Variants in FAM199X observed in about 807,000 individuals in gnomAD.
FAM199X encodes the protein family with sequence similarity 199, X-linked.
FAM199X carries 4 observed loss-of-function variants against 22.9 expected under a neutral mutation model. That is an observed-to-expected ratio of 0.17 (90% confidence interval 0.09 to 0.40). The LOEUF (loss-of-function observed/expected upper bound fraction) is 0.40, where lower values mean the gene tolerates loss of function less well. Ranked by LOEUF, FAM199X falls within the 10% of genes least tolerant of loss-of-function variation. The pLI is 1.00. For missense variants in FAM199X, 183 were observed against 306.8 expected (o/e 0.60, Z 3.01); for synonymous variants, 101 against 112.3 (o/e 0.90, Z 0.64).
Position 104,186,496 on chromosome X carries a change from A to G in FAM199X, c.604A>G (p.Thr202Ala). ...TGAGTATCTGAGTCGGAAAGTGAGT[A>G]CTGAGATGGGTCTTCGGGAGCAACT... ...YIEYLSRKVS[T>A]EMGLREQLDI... is the part of the protein sequence containing the mutation. The change falls in exon 4 of 6, where the codon ACT (threonine) becomes GCT (alanine). Residue 202 changes from threonine (T) to alanine (A), a missense_variant. Physicochemically the swap from Thr to Ala is moderately conservative, Grantham distance 58. Around this residue, in one of 2 missense-constraint regions of FAM199X, gnomAD observed 128 missense variants for 246.2 expected, o/e 0.52. Coordinates refer to ENST00000493442, the MANE Select transcript of FAM199X (RefSeq NM_207318.4). 1 of 1,211,248 alleles carries G rather than the reference A, an allele frequency of 8.3e-7. No individual in the cohort carries two copies. Among genetic ancestry groups the G allele is most frequent in the Non-Finnish European group, 1.1e-6 (1 of 895,047 alleles).
chrX:104,178,328 G>A (rs782499668), intron 2 of FAM199X, among the ~76,000 whole-genome samples: 6 of 110,626 alleles, frequency 5.4e-5, no homozygotes, highest in South Asian at 7.6e-4. Flanking sequence ...CACCAAACCC[G>A]GCTAATTTTT....
chrX:104,189,255 G>A (rs899440440), intron 5 of FAM199X, among the ~76,000 whole-genome samples: 2 of 111,476 alleles, frequency 1.8e-5, no homozygotes, highest in Non-Finnish European at 3.8e-5. Flanking sequence ...CTCCACAGGT[G>A]TATTCAGTAT....
the FAM199X span, among the ~76,000 whole-genome samples, chrX:104,158,014 A>G: frequency 2.7e-5 from 3 of 112,570 alleles, no homozygotes; most frequent in African/African-American, 9.7e-5. Flanking sequence ...TAAAGCAGCT[A>G]AGAAAACTCA....
rs1376745566 is a variant in FAM199X at position 104,189,849 on chromosome X, G to A, written c.*71G>A. 2.1e-5 allele frequency: 23 copies of A among 1,117,608 alleles called. No individual in the cohort carries two copies. In the East Asian group the frequency reaches 6.4e-4, roughly 31 times the overall value. 92.1% of individuals were successfully genotyped at this position (1,117,608 alleles called of 1,213,427 possible). A position where few individuals can be genotyped will look rare whatever the true frequency, so the allele number is the denominator to read the frequency against. On this transcript the variant is annotated 3_prime_UTR_variant, in exon 6 of 6. Transcript: ENST00000493442. ...ATCCTTATGGGTTTACATGCATCTT[G>A]ACCAAAATTTTGGTTAGGGCTGTGC...
chrX:104,160,396 T>C, the FAM199X span, among the ~76,000 whole-genome samples: 3 of 112,958 alleles, frequency 2.7e-5, no homozygotes, highest in Non-Finnish European at 5.6e-5. Context: ...TAAAAAGAGT[T>C]ATGTGGCATT....
Position 104,189,830 on chromosome X carries a change from ATGGGTT to A in FAM199X, c.*54_*59del. On this transcript the variant is annotated 3_prime_UTR_variant, in exon 6 of 6. Transcript: ENST00000493442. Reference sequence around the variant, plus strand: ...GTGAGCATTAAAATACTCCATCCTTATGGGTTTACATGCATCTTGACCAAAATTTTG... The same window carrying A: ...GTGAGCATTAAAATACTCCATCCTTATACATGCATCTTGACCAAAATTTTG... 2 of 1,156,807 alleles carry A rather than the reference ATGGGTT, an allele frequency of 1.7e-6. No homozygotes were observed. Among genetic ancestry groups the A allele is most frequent in the Non-Finnish European group, 2.3e-6 (2 of 860,495 alleles).
At chrX:104,179,976 C>CTTTTT (rs1162038054) in intron 2 of FAM199X, among the ~76,000 whole-genome samples, 1 of 86,112 alleles carries the variant, frequency 1.2e-5, no homozygotes, top group African/African-American at 4.4e-5. Flanking sequence ...TGAATTTTTC[C>CTTTTT]TTTTTTTTTT....
intron 2 of FAM199X, among the ~76,000 whole-genome samples, chrX:104,178,964 T>TA (rs1308848948): frequency 3.8e-4 from 42 of 110,794 alleles, no homozygotes; most frequent in Admixed American, 1.3e-3. Flanking sequence ...CCTGTGTCTT[T>TA]AAAAAAAATG....
rs1313389399 is a variant in FAM199X, at chrX:104,193,036, G to A, written c.*3258G>A. The A allele has an allele frequency of 9.0e-6, 1 of 111,624 alleles. No individual in the cohort carries two copies. Among genetic ancestry groups the A allele is most frequent in the Non-Finnish European group, 1.9e-5 (1 of 52,942 alleles). 9.2% of individuals were successfully genotyped at this position (111,624 alleles called of 1,213,427 possible). A position where few individuals can be genotyped will look rare whatever the true frequency, so the allele number is the denominator to read the frequency against. ...TTGTTTGTTTCTGGGTTCTCCAGCA[G>A]AGACTTTTTGTTTGTGGCTTACTCT... On this transcript the variant is annotated 3_prime_UTR_variant, in exon 6 of 6. Transcript: ENST00000493442.
At chrX:104,189,542 A>G in intron 5 of FAM199X, 66 bp from the exon 6 acceptor site, 3 of 1,081,764 alleles carry the variant, frequency 2.8e-6, no homozygotes, top group Non-Finnish European at 3.9e-6. Flanking sequence ...TTTGATCCAC[A>G]AAACATTTTG....
chrX:104,195,667 C>G lies in FAM199X; in HGVS notation c.*5889C>G, dbSNP rs1556381486. The G allele has an allele frequency of 9.0e-6, 1 of 111,236 alleles. No homozygotes were observed. The highest frequency in any genetic ancestry group is 3.3e-5 in the African/African-American group (1 of 30,633). 9.2% of individuals were successfully genotyped at this position (111,236 alleles called of 1,213,427 possible). On this transcript the variant is annotated 3_prime_UTR_variant, in exon 6 of 6. Coordinates refer to ENST00000493442, the MANE Select transcript of FAM199X (RefSeq NM_207318.4). ...TTCAGCTTTTCAGCAGCAACTTTATCTTTTGCCACTAGAGGGAGATCTGTG... is the reference window on the plus strand; with the variant it reads ...TTCAGCTTTTCAGCAGCAACTTTATGTTTTGCCACTAGAGGGAGATCTGTG...
upstream of FAM199X, among the ~76,000 whole-genome samples, chrX:104,162,174 A>G (rs1921058138): frequency 1.8e-5 from 2 of 111,816 alleles, no homozygotes; most frequent in Admixed American, 9.5e-5. Context: ...CTGAGCCCCA[A>G]TTGGTTGATG....
the FAM199X span, among the ~76,000 whole-genome samples, chrX:104,157,759 G>T: frequency 9.0e-6 from 1 of 111,459 alleles, no homozygotes; most frequent in Non-Finnish European, 1.9e-5. Flanking sequence ...CCAGGCTGAG[G>T]CTGTAATACC....
chrX:104,191,949 T>G lies in FAM199X; in HGVS notation c.*2171T>G, dbSNP rs1344463141. 2.7e-5 allele frequency: 3 copies of G among 112,218 alleles called. No individual in the cohort carries two copies. The highest frequency in any genetic ancestry group is 5.6e-5 in the Non-Finnish European group (3 of 53,145). 9.2% of individuals were successfully genotyped at this position (112,218 alleles called of 1,213,427 possible). A position where few individuals can be genotyped will look rare whatever the true frequency, so the allele number is the denominator to read the frequency against. ...GTAAAGGTTTGAATGTTTATAGAAG[T>G]GCATCATGAAATTTTGTGTAAATCC... On this transcript the variant is annotated 3_prime_UTR_variant, in exon 6 of 6. Transcript: ENST00000493442.
chrX:104,177,631 G>A (rs781992118), intron 2 of FAM199X, among the ~76,000 whole-genome samples: 3 of 111,586 alleles, frequency 2.7e-5, no homozygotes, highest in Non-Finnish European at 5.6e-5. Context: ...CACACTTGGC[G>A]TTGTCTTTCT....
At chrX:104,173,451 A>T (rs1921409602) in intron 1 of FAM199X, among the ~76,000 whole-genome samples, 1 of 111,603 alleles carries the variant, frequency 9.0e-6, no homozygotes, top group Non-Finnish European at 1.9e-5. Flanking sequence ...CTTCAAAAGA[A>T]AAGGTACCAT....
chrX:104,186,221 G>C lies in FAM199X; in HGVS notation c.567+6G>C. 1.7e-6 allele frequency: 2 copies of C among 1,202,917 alleles called. No individual in the cohort carries two copies. Among genetic ancestry groups the C allele is most frequent in the Non-Finnish European group, 2.2e-6 (2 of 893,234 alleles). ...CAATGACAAATGATGAGCAGGTAAAGATCTTGACATTCTTAATTAAAAGCT... is the reference window on the plus strand; with the variant it reads ...CAATGACAAATGATGAGCAGGTAAACATCTTGACATTCTTAATTAAAAGCT... On this transcript the variant is annotated splice_donor_region_variant and intron_variant, in intron 3 of 5. Coordinates refer to ENST00000493442, the MANE Select transcript of FAM199X (RefSeq NM_207318.4).
intron 1 of FAM199X, among the ~76,000 whole-genome samples, chrX:104,168,600 C>T (rs956299862): frequency 8.9e-6 from 1 of 112,006 alleles, no homozygotes; most frequent in Non-Finnish European, 1.9e-5. Context: ...TCAGAATGAT[C>T]CTGCTGTGAT....
chrX:104,181,059 A>G (rs782361828), intron 2 of FAM199X, among the ~76,000 whole-genome samples: 24 of 112,325 alleles, frequency 2.1e-4, no homozygotes, highest in Admixed American at 1.0e-3. Flanking sequence ...AATTATTTCT[A>G]TTGTTGATCA....
Sources: gnomAD v4.1 joint callset for allele counts (sites outside exome capture counted in the v4.1 genomes callset) on GRCh38, gnomAD v4.1.1 for gene constraint, gnomAD v4.1.1 regional missense constraint, MANE v1.5 for transcripts, NCBI Gene and HGNC (gene_info 2026-07-23, HGNC 2026-07-21) for gene names.